Variants in NAV3 observed in about 807,000 individuals in gnomAD.
NAV3 encodes the protein pore membrane and/or filament interacting like protein 1.
A neutral mutation model predicts 244.7 loss-of-function variants in NAV3; 87 were observed. The ratio of observed to expected loss-of-function variants is 0.36; its 90% confidence interval spans 0.30 to 0.42. The LOEUF (loss-of-function observed/expected upper bound fraction) is 0.42. Ranked by LOEUF, NAV3 falls within the 20% of genes least tolerant of loss-of-function variation. NAV3 has a pLI of 1.00. For missense variants in NAV3, 2,663 were observed against 2,893.3 expected, an observed-to-expected ratio of 0.92 and a Z score of 1.83; for synonymous variants, 1,126 against 1,042.2, an observed-to-expected ratio of 1.08 and a Z score of -1.55.
At chr12:78,042,041 T>A (rs1443918429) in intron 9 of NAV3, among the ~76,000 whole-genome samples, 4 of 152,168 alleles carry the variant, frequency 2.6e-5, no homozygotes, top group South Asian at 2.1e-4. Flanking sequence ...CCTCTCTTAA[T>A]CTATCCATTC....
intron 9 of NAV3, among the ~76,000 whole-genome samples, chr12:78,045,921 G>A (rs1881707716): frequency 6.6e-6 from 1 of 152,140 alleles, no homozygotes; most frequent in Non-Finnish European, 1.5e-5. Context: ...CTTGTTATTG[G>A]TCTATTCAGG....
Position 77,940,436 on chromosome 12 carries a change from G to A in NAV3, c.361G>A (p.Ala121Thr), listed in dbSNP as rs1889759023. The A allele has an allele frequency of 1.2e-6, 2 of 1,605,448 alleles. No individual in the cohort carries two copies. The highest frequency in any genetic ancestry group is 1.7e-6 in the Non-Finnish European group (2 of 1,172,904). Residue 121 changes from alanine to threonine, a missense_variant and splice_region_variant, in exon 2 of 40, where the codon GCA becomes ACA. Ala to Thr is a moderately conservative substitution (Grantham distance 58). Coordinates refer to ENST00000397909, the MANE Select transcript of NAV3 (RefSeq NM_001024383.2). ...VLLAEIIQII[A>T]NEKVEDINGC... ...CCTAGCAGAAATCATCCAGATTATTGGTAAGCCCTTCCTTCTGAAAGAAAG... is the reference window on the plus strand; with the variant it reads ...CCTAGCAGAAATCATCCAGATTATTAGTAAGCCCTTCCTTCTGAAAGAAAG...
intron 2 of NAV3, among the ~76,000 whole-genome samples, chr12:77,607,573 G>T (rs1361433025): frequency 6.6e-6 from 1 of 151,990 alleles, no homozygotes; most frequent in African/African-American, 2.4e-5. Context: ...CTAAGAGAGG[G>T]GATTGTAGCC....
At chr12:77,929,908 C>G (rs1267455490) in intron 1 of NAV3, among the ~76,000 whole-genome samples, 2 of 151,148 alleles carry the variant, frequency 1.3e-5, no homozygotes, top group African/African-American at 4.9e-5. Context: ...CTCGGCCTCC[C>G]AAAGTGCTGG....
chr12:77,698,636 G>A (rs1875421042), intron 2 of NAV3, among the ~76,000 whole-genome samples: 1 of 152,134 alleles, frequency 6.6e-6, no homozygotes, highest in African/African-American at 2.4e-5. Flanking sequence ...GTGAGAATGG[G>A]TATGGTCACC....
At chr12:77,677,613 A>G (rs1014229995) in intron 2 of NAV3, among the ~76,000 whole-genome samples, 21 of 152,218 alleles carry the variant, frequency 1.4e-4, no homozygotes, top group Admixed American at 7.9e-4. Context: ...TCTTATCTGT[A>G]AAATGGACAT....
intron 8 of NAV3, among the ~76,000 whole-genome samples, chr12:78,019,739 TG>T (rs1876835654): frequency 6.6e-6 from 1 of 151,996 alleles, no homozygotes; most frequent in African/African-American, 2.4e-5. Context: ...AGAGGAGTCT[TG>T]TGTGAGATGA....
intron 2 of NAV3, among the ~76,000 whole-genome samples, chr12:77,681,522 A>G (rs1181930011): frequency 6.6e-6 from 1 of 152,240 alleles, no homozygotes; most frequent in African/African-American, 2.4e-5. Flanking sequence ...TTAAAAGAGA[A>G]TCACACCTAG....
At chr12:78,209,584 C>G (rs1474924355) in intron 39 of NAV3, among the ~76,000 whole-genome samples, 1 of 151,624 alleles carries the variant, frequency 6.6e-6, no homozygotes. Context: ...CAGTGGAGCT[C>G]CAGATCTATC....
chr12:77,960,994 T>TATATGTATATATGTATATGTTACATGTAC (rs1565961346), intron 3 of NAV3, among the ~76,000 whole-genome samples: 1 of 129,800 alleles, frequency 7.7e-6, no homozygotes, highest in Non-Finnish European at 1.6e-5. Flanking sequence ...GTTACATGTA[T>TATATGTATATATGTATATGTTACATGTAC]ACGCATATAT....
At position 77,834,555 on chromosome 12, in the gene NAV3, C is replaced by G. The variant is rs557252030; in HGVS notation, c.243+2851C>G. Reference sequence around the variant, plus strand: ...TCAATGGCAAGAATAGAGAGAGACACTGTCTCTGCTGACCATGGCTATCTT... The same window carrying G: ...TCAATGGCAAGAATAGAGAGAGACAGTGTCTCTGCTGACCATGGCTATCTT... On this transcript the variant is annotated intron_variant, in intron 1 of 39. Coordinates refer to ENST00000397909, the MANE Select transcript of NAV3 (RefSeq NM_001024383.2). Among the ~76,000 whole-genome samples, 3 of 152,358 alleles carry G rather than the reference C, an allele frequency of 2.0e-5. No individual in the cohort carries two copies. In the South Asian group the frequency reaches 6.2e-4, roughly 32 times the overall value.
chr12:78,148,714 T>G (rs1276085489), intron 21 of NAV3, 128 bp from the exon 22 acceptor site: 11 of 712,240 alleles, frequency 1.5e-5, no homozygotes, highest in Non-Finnish European at 2.6e-5. Flanking sequence ...TCCTTTATTT[T>G]CAGGAGTTGC....
intron 19 of NAV3, among the ~76,000 whole-genome samples, chr12:78,138,233 C>T (rs300463): frequency 0.34 from 50,969 of 151,980 alleles, 8,827 homozygotes; most frequent in East Asian, 0.48. Flanking sequence ...TTTAAGTCTT[C>T]AGCCATCCAT....
chr12:78,071,500 A>G (rs1221321485), intron 12 of NAV3, among the ~76,000 whole-genome samples: 12 of 151,946 alleles, frequency 7.9e-5, no homozygotes, highest in African/African-American at 2.2e-4. Context: ...CCCATTTTGT[A>G]GGTTGCCTGT....
chr12:78,143,971 A>G (rs1481293368), intron 20 of NAV3, among the ~76,000 whole-genome samples: 1 of 152,100 alleles, frequency 6.6e-6, no homozygotes. Context: ...ACCCTTTGCT[A>G]TTTATATTGC....
In NAV3 at chr12:77,644,488, A is replaced by T. The variant is rs1872540669; in HGVS notation, c.72+72222A>T. On this transcript the variant is annotated intron_variant, in intron 2 of 8. Coordinates refer to the NAV3 transcript ENST00000550042. Reference sequence around the variant, plus strand: ...GGGGCTTAAGAAGAAAGGAATTCCTAGTAGACTGAGAAGCTTCCATAGAAC... The same window carrying T: ...GGGGCTTAAGAAGAAAGGAATTCCTTGTAGACTGAGAAGCTTCCATAGAAC... Among the ~76,000 whole-genome samples the T allele has an allele frequency of 2.0e-5, 3 of 152,098 alleles. No homozygotes were observed. The South Asian group carries it at 6.2e-4, about 31-fold the overall frequency.
intron 2 of NAV3, among the ~76,000 whole-genome samples, chr12:77,602,948 A>C (rs1592494601): frequency 6.6e-6 from 1 of 151,820 alleles, no homozygotes; most frequent in East Asian, 1.9e-4. Context: ...TGAATGATAT[A>C]CTCTCCCTCA....
rs1245039867 is a variant in NAV3, at chr12:77,654,524, T to C, written c.72+82258T>C. On this transcript the variant is annotated intron_variant, in intron 2 of 8. Coordinates refer to the NAV3 transcript ENST00000550042. ...CCTCTGTAGGCTCCACCTCTGGGTG[T>C]CGGGCACAGACAAACAAAAAGACAG... is the stretch of plus-strand genomic sequence containing the variant. Among the ~76,000 whole-genome samples the C allele has an allele frequency of 1.9e-4, 29 of 152,224 alleles. No individual in the cohort carries two copies. In the South Asian group the frequency reaches 5.2e-3, roughly 27 times the overall value.
chr12:78,105,764 T>C (rs1445993628), intron 12 of NAV3, among the ~76,000 whole-genome samples: 2 of 151,972 alleles, frequency 1.3e-5, no homozygotes, highest in Non-Finnish European at 2.9e-5. Flanking sequence ...TTATCTTTTT[T>C]ATTGCTTTGT....
Sources: allele counts gnomAD v4.1 joint callset (sites outside exome capture counted in the v4.1 genomes callset), GRCh38; gene constraint gnomAD v4.1.1; transcripts MANE v1.5; gene names NCBI Gene and HGNC (gene_info 2026-07-23, HGNC 2026-07-21).